The following MECOM variants were observed in gnomAD, a reference collection of about 807,000 sequenced individuals.
MECOM encodes histone-lysine N-methyltransferase MECOM.
MECOM carries 13 observed loss-of-function variants against 116.3 expected under a neutral mutation model. The ratio of observed to expected loss-of-function variants is 0.11; its 90% CI spans 0.07 to 0.18. The LOEUF is 0.18. Ranked by LOEUF, MECOM falls within the 10% of genes least tolerant of loss-of-function variation. The pLI is 1.00. For missense variants in MECOM, 1,299 were observed against 1,509.0 expected (o/e 0.86, Z 2.31); for synonymous variants, 528 against 535.2 (o/e 0.99, Z 0.19).
At chr3:169,554,582 C>T (rs969822030) in intron 1 of MECOM, among the ~76,000 whole-genome samples, 6 of 152,176 alleles carry the variant, frequency 3.9e-5, no homozygotes, top group Non-Finnish European at 4.4e-5. Flanking sequence ...AAGATTGGCA[C>T]ATCACAGATG....
chr3:169,450,198 G>A (rs1309724964), intron 1 of MECOM, among the ~76,000 whole-genome samples: 1 of 152,124 alleles, frequency 6.6e-6, no homozygotes, highest in Non-Finnish European at 1.5e-5. Flanking sequence ...TCTGAAATAT[G>A]TGTCATGCTC....
chr3:169,504,129 CAAAA>C lies in MECOM; in HGVS notation c.38-122609_38-122606del, dbSNP rs372235939. Among the ~76,000 whole-genome samples, 110 of 112,626 alleles carry C rather than the reference CAAAA, an allele frequency of 9.8e-4. 1 individual carries two copies. In the South Asian group the frequency reaches 0.032, roughly 33 times the overall value. The allele number at this position is 112,626 out of a possible 152,430, so 73.9% of individuals were successfully genotyped here. A position where few individuals can be genotyped will look rare whatever the true frequency, so the allele number is the denominator to read the frequency against. On this transcript the variant is annotated intron_variant, in intron 1 of 16. Transcript: ENST00000651503. ...TCAGGGAAAAGGTGACTTCTGCTCT[CAAAA>C]AAAAAAGAAAAAGAGAAGTGTGTGT...
intron 1 of MECOM, among the ~76,000 whole-genome samples, chr3:169,425,130 C>T (rs1412861769): frequency 1.4e-5 from 2 of 147,136 alleles, no homozygotes; most frequent in African/African-American, 5.1e-5. Context: ...CCTCAGATAA[C>T]CAGTTGGAAT....
At chr3:169,410,675 G>A (rs1737415710) in intron 1 of MECOM, among the ~76,000 whole-genome samples, 1 of 152,116 alleles carries the variant, frequency 6.6e-6, no homozygotes, top group South Asian at 2.1e-4. Flanking sequence ...CTGTGCCTAG[G>A]AGGGAATAAA....
intron 9 of MECOM, among the ~76,000 whole-genome samples, chr3:169,110,561 A>G (rs1042440689): frequency 6.6e-6 from 1 of 152,162 alleles, no homozygotes; most frequent in Non-Finnish European, 1.5e-5. Context: ...TAGTCGGTAA[A>G]TAGCCTTTGC....
At chr3:169,450,265 G>A (rs1177022470) in intron 1 of MECOM, among the ~76,000 whole-genome samples, 3 of 152,046 alleles carry the variant, frequency 2.0e-5, no homozygotes, top group South Asian at 2.1e-4. Flanking sequence ...AAGACTGTAC[G>A]GGAAATTCAC....
At position 169,247,306 on chromosome 3, in the gene MECOM, T is replaced by A. The variant is rs1755710494; in HGVS notation, c.376-103474A>T. 2.8e-5 allele frequency among the ~76,000 whole-genome samples: 4 copies of A among 142,250 alleles called. No individual in the cohort carries two copies. In the Admixed American group the frequency reaches 2.9e-4, roughly 10 times the overall value. The allele number at this position is 142,250 out of a possible 152,430, so 93.3% of individuals were successfully genotyped here. A position where few individuals can be genotyped will look rare whatever the true frequency, so the allele number is the denominator to read the frequency against. The stretch of plus-strand genomic sequence containing the variant: ...AAGCTAACCATCCACCTAATACTTT[T>A]TTTTTTCTTTTTTTTTGAGATGGAG... On this transcript the variant is annotated intron_variant, in intron 2 of 16. Coordinates refer to ENST00000651503, the MANE Select transcript of MECOM (RefSeq NM_004991.4).
At chr3:169,472,969 A>G (rs1749797703) in intron 1 of MECOM, 1 of 983,936 alleles carries the variant, frequency 1.0e-6, no homozygotes, top group African/African-American at 1.7e-5. Context: ...GGTAGTTATC[A>G]ATATGTAGAC....
At chr3:169,257,732 A>G (rs1251848100) in intron 2 of MECOM, among the ~76,000 whole-genome samples, 2 of 152,160 alleles carry the variant, frequency 1.3e-5, no homozygotes, top group African/African-American at 2.4e-5. Context: ...TCCATCGGGC[A>G]CATAATAATT....
At chr3:169,114,181 C>T (rs1477974126) in intron 8 of MECOM, among the ~76,000 whole-genome samples, 2 of 152,162 alleles carry the variant, frequency 1.3e-5, no homozygotes, top group African/African-American at 4.8e-5. Flanking sequence ...ACACACAAAA[C>T]ACGGAAGACA....
chr3:169,380,052 A>G (rs1732137262), intron 2 of MECOM, among the ~76,000 whole-genome samples: 1 of 152,140 alleles, frequency 6.6e-6, no homozygotes, highest in Admixed American at 6.6e-5. Flanking sequence ...TGCTTTTATT[A>G]TGGCATTTTG....
At chr3:169,558,723 C>T (rs1162280785) in intron 1 of MECOM, among the ~76,000 whole-genome samples, 1 of 152,066 alleles carries the variant, frequency 6.6e-6, no homozygotes, top group Non-Finnish European at 1.5e-5. Context: ...GTATACTTTT[C>T]CTGATTCAGG....
At chr3:169,553,778 C>G (rs1029118814) in intron 1 of MECOM, among the ~76,000 whole-genome samples, 1 of 152,212 alleles carries the variant, frequency 6.6e-6, no homozygotes, top group Non-Finnish European at 1.5e-5. Context: ...GGTCTATTCT[C>G]TGTGTGTACA....
chr3:169,147,696 G>C (rs1259137813), intron 2 of MECOM: 2 of 984,744 alleles, frequency 2.0e-6, no homozygotes, highest in African/African-American at 3.5e-5. Context: ...CCGTTTCGAT[G>C]TCTTGAAAGC....
chr3:169,299,418 A>C (rs1716288970), intron 2 of MECOM, among the ~76,000 whole-genome samples: 1 of 152,164 alleles, frequency 6.6e-6, no homozygotes, highest in African/African-American at 2.4e-5. Flanking sequence ...CAGGATCAAA[A>C]TGTTCTTGGA....
intron 2 of MECOM, among the ~76,000 whole-genome samples, chr3:169,187,246 G>T (rs1057407590): frequency 6.6e-6 from 1 of 152,078 alleles, no homozygotes; most frequent in Non-Finnish European, 1.5e-5. Flanking sequence ...TCCTGGCTAT[G>T]ATCAACCTCT....
intron 3 of MECOM, among the ~76,000 whole-genome samples, chr3:169,137,419 A>G (rs1326553388): frequency 7.2e-5 from 11 of 152,098 alleles, no homozygotes; most frequent in Non-Finnish European, 1.5e-4. Context: ...CCTATTATAC[A>G]TTCTGAGCCT....
At chr3:169,423,786 A>G (rs1423807195) in intron 1 of MECOM, among the ~76,000 whole-genome samples, 3 of 152,142 alleles carry the variant, frequency 2.0e-5, no homozygotes, top group African/African-American at 4.8e-5. Flanking sequence ...AGCAAAGACA[A>G]AGATTCAGTT....
At chr3:169,235,553 T>C (rs1753933844) in intron 2 of MECOM, among the ~76,000 whole-genome samples, 1 of 151,954 alleles carries the variant, frequency 6.6e-6, no homozygotes, top group Non-Finnish European at 1.5e-5. Flanking sequence ...GAGGAATAAA[T>C]AATAAAAAAG....
Sources: gnomAD v4.1 joint callset for allele counts (sites outside exome capture counted in the v4.1 genomes callset) on GRCh38, gnomAD v4.1.1 for gene constraint, MANE v1.5 for transcripts, NCBI Gene and HGNC (gene_info 2026-07-23, HGNC 2026-07-21) for gene names.